The following SDR42E2 variants were observed in gnomAD, a reference collection of about 807,000 sequenced individuals.
SDR42E2 encodes short chain dehydrogenase/reductase family 42E, member 2, also known as putative short-chain dehydrogenase/reductase family 42E member 2.
A neutral mutation model predicts 10.5 loss-of-function variants in SDR42E2; 20 were observed. The ratio of observed to expected loss-of-function variants is 1.90; its 90% CI spans 1.34 to 2.77. SDR42E2 has a LOEUF of 2.77. SDR42E2 is among the 30% of genes most tolerant of loss of function. The pLI, the probability that SDR42E2 is intolerant of heterozygous loss-of-function variation, is 0.00. For missense variants in SDR42E2, 162 were observed against 104.2 expected, an observed-to-expected ratio of 1.55 and a Z score of -2.42; for synonymous variants, 72 against 39.2, an observed-to-expected ratio of 1.84 and a Z score of -3.12.
At chr16:22,188,130 G>T (rs1033289376) in intron 12 of SDR42E2, among the ~76,000 whole-genome samples, 1 of 151,466 alleles carries the variant, frequency 6.6e-6, no homozygotes, top group Admixed American at 6.6e-5. Context: ...GTCCACTCTC[G>T]TTTTATTGTC....
chr16:22,181,010 A>T (rs147788889), intron 8 of SDR42E2, among the ~76,000 whole-genome samples: 42 of 152,308 alleles, frequency 2.8e-4, no homozygotes, highest in African/African-American at 1.0e-3. Context: ...TGTCTCAAAA[A>T]AAAGAAACAA....
At chr16:22,180,591 T>A (rs2046684244) in intron 8 of SDR42E2, among the ~76,000 whole-genome samples, 1 of 152,000 alleles carries the variant, frequency 6.6e-6, no homozygotes, top group South Asian at 2.1e-4. Context: ...TAGTCCCAGC[T>A]ACTCGGGAGG....
chr16:22,170,462 C>T (rs79350630), intron 5 of SDR42E2, among the ~76,000 whole-genome samples: 69 of 152,282 alleles, frequency 4.5e-4, no homozygotes, highest in African/African-American at 1.1e-3. Flanking sequence ...TGCCTTATCC[C>T]GTATGTCTTT....
chr16:22,181,076 G>C (rs1308836643), intron 8 of SDR42E2, among the ~76,000 whole-genome samples: 1 of 152,238 alleles, frequency 6.6e-6, no homozygotes, highest in African/African-American at 2.4e-5. Flanking sequence ...AGGGTGGACA[G>C]AGGGGGACCA....
chr16:22,181,667 T>A lies in SDR42E2; in HGVS notation c.810+11T>A, dbSNP rs2142076906. The A allele has an allele frequency of 2.8e-6, 2 of 702,180 alleles. No individual in the cohort carries two copies. Among genetic ancestry groups the A allele is most frequent in the East Asian group, 5.4e-5 (2 of 37,264 alleles). The allele number at this position is 702,180 out of a possible 1,614,324, so 43.5% of individuals were successfully genotyped here. On this transcript the variant is annotated intron_variant, in intron 9 of 12. Coordinates refer to ENST00000602312, the MANE Select transcript of SDR42E2 (RefSeq NM_001394319.2). ...AAGGGCTACGTGGCTGTGAGTCCCC[T>A]CTGATGCCCCCAACCACCTTCCCCA...
intron 4 of SDR42E2, among the ~76,000 whole-genome samples, chr16:22,169,211 C>T (rs781629851): frequency 2.6e-5 from 4 of 152,082 alleles, no homozygotes; most frequent in Non-Finnish European, 4.4e-5. Flanking sequence ...GGAGGTTGGC[C>T]CTCACTTTAC....
intron 3 of SDR42E2, 117 bp from the exon 4 acceptor site, chr16:22,166,787 G>C (rs1486453248): frequency 6.5e-6 from 3 of 458,788 alleles, no homozygotes; most frequent in Non-Finnish European, 1.2e-5. Flanking sequence ...TGATGCTACA[G>C]AGGCTTGGCC....
intron 8 of SDR42E2, among the ~76,000 whole-genome samples, chr16:22,179,180 G>A (rs562408329): frequency 1.3e-5 from 2 of 151,916 alleles, no homozygotes; most frequent in Non-Finnish European, 1.5e-5. Context: ...GTAGAGATAG[G>A]GTCTCCTTAT....
intron 5 of SDR42E2, among the ~76,000 whole-genome samples, chr16:22,170,562 A>G (rs1032456367): frequency 3.9e-5 from 6 of 152,126 alleles, no homozygotes; most frequent in East Asian, 3.9e-4. Flanking sequence ...CCAAGCCACA[A>G]TGAGAAAGAA....
At chr16:22,171,905 C>T (rs1390506895) in intron 6 of SDR42E2, among the ~76,000 whole-genome samples, 10 of 152,252 alleles carry the variant, frequency 6.6e-5, no homozygotes, top group African/African-American at 1.4e-4. Context: ...ATAAGATAAC[C>T]GATGTGAAAA....
At chr16:22,167,114 G>A in intron 4 of SDR42E2, 115 bp downstream of exon 4, 1 of 483,000 alleles carries the variant, frequency 2.1e-6, no homozygotes, top group African/African-American at 2.0e-5. Flanking sequence ...AGGGACTTGG[G>A]CTACTCCCAC....
chr16:22,190,976 CT>C lies in SDR42E2; in HGVS notation c.*585del, dbSNP rs1446710162. 2 of 153,886 alleles carry C rather than the reference CT, an allele frequency of 1.3e-5. No homozygotes were observed. Among genetic ancestry groups the C allele is most frequent in the Non-Finnish European group, 2.9e-5 (2 of 69,190 alleles). The allele number at this position is 153,886 out of a possible 1,614,324, so 9.5% of individuals were successfully genotyped here. Reference sequence around the variant, plus strand: ...CCGCCTTCATGTCATAGCCACGCCCCTTCCCGCCCTTCCATGTTTGGGCACG... The same window carrying C: ...CCGCCTTCATGTCATAGCCACGCCCCTCCCGCCCTTCCATGTTTGGGCACG... On this transcript the variant is annotated 3_prime_UTR_variant, in exon 13 of 13. Coordinates refer to ENST00000602312, the MANE Select transcript of SDR42E2 (RefSeq NM_001394319.2).
intron 3 of SDR42E2, 73 bp from the exon 4 acceptor site, chr16:22,166,831 G>A (rs1163849947): frequency 6.3e-6 from 3 of 477,336 alleles, no homozygotes; most frequent in Non-Finnish European, 1.1e-5. Context: ...CTGAGACCAG[G>A]CAAGGTGCAG....
intron 11 of SDR42E2, among the ~76,000 whole-genome samples, chr16:22,185,073 T>G (rs2046726931): frequency 6.6e-6 from 1 of 152,078 alleles, no homozygotes; most frequent in South Asian, 2.1e-4. Context: ...TAGATTCTCC[T>G]CCTGTCCCTG....
At chr16:22,172,023 G>A (rs972029722) in intron 6 of SDR42E2, among the ~76,000 whole-genome samples, 8 of 152,198 alleles carry the variant, frequency 5.3e-5, no homozygotes, top group South Asian at 2.1e-4. Context: ...TCCCTGAGTC[G>A]GCTGCCCCTG....
Position 22,190,610 on chromosome 16 carries a change from C to T in SDR42E2, c.*217C>T, listed in dbSNP as rs952780585. ...CTATCTACTCCCAGACCTTGCCTTG[C>T]GCCCTTCCTGTGTTTTGGCCCCGCC... is the stretch of plus-strand genomic sequence containing the variant. On this transcript the variant is annotated 3_prime_UTR_variant, in exon 13 of 13. Coordinates refer to ENST00000602312, the MANE Select transcript of SDR42E2 (RefSeq NM_001394319.2). 9.1e-5 allele frequency: 36 copies of T among 394,212 alleles called. No individual in the cohort carries two copies. The Middle Eastern group carries it at 1.9e-3, about 21-fold the overall frequency. The allele number at this position is 394,212 out of a possible 1,614,324, so 24.4% of individuals were successfully genotyped here. A position where few individuals can be genotyped will look rare whatever the true frequency, so the allele number is the denominator to read the frequency against.
Position 22,191,740 on chromosome 16 carries a change from TA to T in SDR42E2, c.*1349del, listed in dbSNP as rs2046776316. ...TCTCGATGAAGTACCAATAAAGCTATAATGGGAAAAATAGAGTTTAGTTGGT... is the reference window on the plus strand; with the variant it reads ...TCTCGATGAAGTACCAATAAAGCTATATGGGAAAAATAGAGTTTAGTTGGT... On this transcript the variant is annotated 3_prime_UTR_variant, in exon 13 of 13. Coordinates refer to ENST00000602312, the MANE Select transcript of SDR42E2 (RefSeq NM_001394319.2). 6.6e-6 allele frequency: 1 copy of T among 152,018 alleles called. No homozygotes were observed. The highest frequency in any genetic ancestry group is 2.1e-4 in the South Asian group (1 of 4,828). The allele number at this position is 152,018 out of a possible 1,614,324, so 9.4% of individuals were successfully genotyped here.
chr16:22,181,512 C>T lies in SDR42E2; in HGVS notation c.673-7C>T, dbSNP rs1373888126. The T allele has an allele frequency of 5.7e-6, 4 of 702,968 alleles. No homozygotes were observed. Among genetic ancestry groups the T allele is most frequent in the Non-Finnish European group, 1.0e-5 (4 of 385,014 alleles). The allele number at this position is 702,968 out of a possible 1,614,324, so 43.5% of individuals were successfully genotyped here. On this transcript the variant is annotated splice_region_variant and splice_polypyrimidine_tract_variant and intron_variant, in intron 8 of 12. Transcript: ENST00000602312. The stretch of plus-strand genomic sequence containing the variant: ...AAGCCTGTTTATCACCCACTCCTCT[C>T]CACCAGGGCCACATCAAGAAGAGGC...
At chr16:22,163,457 G>A (rs183863765) in intron 1 of SDR42E2, among the ~76,000 whole-genome samples, 5 of 152,256 alleles carry the variant, frequency 3.3e-5, no homozygotes, top group South Asian at 2.1e-4. Flanking sequence ...TGTAATCCCA[G>A]CACTTTGGGA....
Sources: allele counts gnomAD v4.1 joint callset (sites outside exome capture counted in the v4.1 genomes callset), GRCh38; gene constraint gnomAD v4.1.1; transcripts MANE v1.5; gene names NCBI Gene and HGNC (gene_info 2026-07-23, HGNC 2026-07-21).